Variants in PPP1R16B observed in about 807,000 individuals in gnomAD.
The protein encoded by PPP1R16B is protein phosphatase 1 regulatory inhibitor subunit 16B.
PPP1R16B carries 14 observed loss-of-function variants against 61.7 expected under a neutral mutation model. That is an observed-to-expected ratio of 0.23 (90% CI 0.15 to 0.35). The LOEUF (loss-of-function observed/expected upper bound fraction) is 0.35, where lower values mean the gene tolerates loss of function less well. Ranked by LOEUF, PPP1R16B falls within the 10% of genes least tolerant of loss-of-function variation. The pLI is 1.00. For synonymous variants in PPP1R16B, 266 were observed against 305.3 expected (o/e 0.87, Z 1.34); for missense variants, 547 against 752.5 (o/e 0.73, Z 3.19).
At chr20:38,906,604 G>T (rs544690826) in intron 7 of PPP1R16B, among the ~76,000 whole-genome samples, 10 of 152,240 alleles carry the variant, frequency 6.6e-5, no homozygotes. Flanking sequence ...GTTCTAATAG[G>T]ATGGTAATCA....
intron 4 of PPP1R16B, 136 bp from the exon 5 acceptor site, chr20:38,900,445 T>C (rs1432074313): frequency 1.6e-6 from 1 of 609,554 alleles, no homozygotes; most frequent in Non-Finnish European, 2.8e-6. Context: ...AGCATCATCT[T>C]GCTGGGGTAC....
In PPP1R16B at chr20:38,839,832, A is replaced by T. The variant is rs544619062; in HGVS notation, c.250+3657A>T. On this transcript the variant is annotated intron_variant, in intron 2 of 10. Transcript: ENST00000299824. ...GAATTTTCTAACTAGCTCCTTATTG[A>T]TGCAGATTTTTCCAGTAGCTTCGCT... Among the ~76,000 whole-genome samples, 4 of 152,278 alleles carry T rather than the reference A, an allele frequency of 2.6e-5. No individual in the cohort carries two copies. The South Asian group carries it at 8.3e-4, about 32-fold the overall frequency.
Position 38,805,737 on chromosome 20 carries a change from G to T in PPP1R16B, c.-157G>T, listed in dbSNP as rs2084655597. 1 of 152,266 alleles carries T rather than the reference G, an allele frequency of 6.6e-6. No homozygotes were observed. The highest frequency in any genetic ancestry group is 1.5e-5 in the Non-Finnish European group (1 of 68,094). The allele number at this position is 152,266 out of a possible 1,614,324, so 9.4% of individuals were successfully genotyped here. ...GCCGCTGGAGCAGCTGCGGCTCGGG[G>T]ACCCACAGACACAGCCGGGGTCGGG... On this transcript the variant is annotated 5_prime_UTR_variant, in exon 1 of 11. Coordinates refer to ENST00000299824, the MANE Select transcript of PPP1R16B (RefSeq NM_015568.4).
chr20:38,879,007 G>A (rs1013726321), intron 2 of PPP1R16B, among the ~76,000 whole-genome samples: 2 of 152,160 alleles, frequency 1.3e-5, no homozygotes, highest in Admixed American at 6.5e-5. Context: ...GCTCCCGGAC[G>A]GCCAGTGCGT....
At chr20:38,818,342 C>T (rs6124087) in intron 1 of PPP1R16B, among the ~76,000 whole-genome samples, 99,191 of 151,990 alleles carry the variant, frequency 0.65, 32,677 homozygotes, top group African/African-American at 0.73. Context: ...AATCATCAGT[C>T]CTGTTCGGTG....
rs181026831 is a variant in PPP1R16B, at chr20:38,874,441, G to C, written c.251-15154G>C. On this transcript the variant is annotated intron_variant, in intron 2 of 10. Coordinates refer to ENST00000299824, the MANE Select transcript of PPP1R16B (RefSeq NM_015568.4). ...GATTATAGTCCCCATTCTACAGATG[G>C]GGAAACTGAGGCTCAGATAGAGGAG... Among the ~76,000 whole-genome samples, 118 of 152,240 alleles carry C rather than the reference G, an allele frequency of 7.8e-4. 1 individual carries two copies. Among genetic ancestry groups the C allele is most frequent in the African/African-American group, 2.7e-3 (113 of 41,542 alleles).
intron 1 of PPP1R16B, among the ~76,000 whole-genome samples, chr20:38,810,181 G>A (rs6124079): frequency 0.71 from 108,533 of 152,092 alleles, 38,953 homozygotes; most frequent in African/African-American, 0.78. Flanking sequence ...AGCCCTAGCC[G>A]GGAGAACAGC....
At chr20:38,877,463 C>G (rs2145750018) in intron 2 of PPP1R16B, among the ~76,000 whole-genome samples, 1 of 152,206 alleles carries the variant, frequency 6.6e-6, no homozygotes, top group South Asian at 2.1e-4. Context: ...CACCCACCAC[C>G]ACGCCCGGCT....
intron 1 of PPP1R16B, among the ~76,000 whole-genome samples, chr20:38,818,411 G>A (rs1479022395): frequency 6.6e-6 from 1 of 152,204 alleles, no homozygotes; most frequent in Non-Finnish European, 1.5e-5. Context: ...AGGCTGGCCA[G>A]AGAGAAAGCT....
At chr20:38,828,493 T>C (rs984919413) in intron 1 of PPP1R16B, among the ~76,000 whole-genome samples, 14 of 152,230 alleles carry the variant, frequency 9.2e-5, no homozygotes, top group African/African-American at 3.4e-4. Flanking sequence ...GCTCAAATAA[T>C]AAAGGGGCTT....
At chr20:38,862,825 T>C (rs2085062377) in intron 2 of PPP1R16B, among the ~76,000 whole-genome samples, 1 of 152,194 alleles carries the variant, frequency 6.6e-6, no homozygotes, top group South Asian at 2.1e-4. Flanking sequence ...CCAGATTCCA[T>C]CAGTTATGGC....
chr20:38,839,445 C>T (rs1481140570), intron 2 of PPP1R16B, among the ~76,000 whole-genome samples: 1 of 152,184 alleles, frequency 6.6e-6, no homozygotes, highest in Non-Finnish European at 1.5e-5. Context: ...AATCAATCAA[C>T]GTAGAAGTGT....
At chr20:38,819,191 T>G (rs2084757953) in intron 1 of PPP1R16B, among the ~76,000 whole-genome samples, 1 of 152,266 alleles carries the variant, frequency 6.6e-6, no homozygotes, top group African/African-American at 2.4e-5. Flanking sequence ...GGGCAATTAC[T>G]TAACCCTATG....
intron 2 of PPP1R16B, among the ~76,000 whole-genome samples, chr20:38,888,035 T>C (rs1335204048): frequency 6.6e-6 from 1 of 152,248 alleles, no homozygotes; most frequent in Non-Finnish European, 1.5e-5. Flanking sequence ...TGGGTTTTTT[T>C]GTCCTGCAGA....
intron 2 of PPP1R16B, among the ~76,000 whole-genome samples, chr20:38,885,169 C>T (rs2085235453): frequency 6.6e-6 from 1 of 151,380 alleles, no homozygotes; most frequent in East Asian, 1.9e-4. Context: ...GCCTGGTCAA[C>T]ATAGTGAGAC....
intron 10 of PPP1R16B, among the ~76,000 whole-genome samples, chr20:38,910,539 GTT>G (rs1364801029): frequency 9.3e-6 from 1 of 107,006 alleles, no homozygotes. Flanking sequence ...GTTTTTTTTT[GTT>G]TTTTTTTTTT....
At chr20:38,915,618 A>G (rs943113586) in intron 10 of PPP1R16B, among the ~76,000 whole-genome samples, 4 of 152,122 alleles carry the variant, frequency 2.6e-5, no homozygotes, top group Non-Finnish European at 5.9e-5. Flanking sequence ...CTGAGTAGCT[A>G]GGATTAGAGG....
intron 2 of PPP1R16B, among the ~76,000 whole-genome samples, chr20:38,839,869 G>A (rs2084898536): frequency 6.6e-6 from 1 of 152,222 alleles, no homozygotes; most frequent in Non-Finnish European, 1.5e-5. Context: ...TTGCCACAGT[G>A]AATGTTTTAT....
At chr20:38,916,343 AT>A (rs1232697726) in intron 10 of PPP1R16B, among the ~76,000 whole-genome samples, 1 of 148,098 alleles carries the variant, frequency 6.8e-6, no homozygotes, top group Non-Finnish European at 1.5e-5. Flanking sequence ...ATAAATACAT[AT>A]ATATGTTATA....
Sources: gnomAD v4.1 joint callset for allele counts (sites outside exome capture counted in the v4.1 genomes callset) on GRCh38, gnomAD v4.1.1 for gene constraint, MANE v1.5 for transcripts, NCBI Gene and HGNC (gene_info 2026-07-23, HGNC 2026-07-21) for gene names.